The following SPRY3 variants were observed in gnomAD, a reference collection of about 807,000 sequenced individuals.
SPRY3 encodes the protein protein sprouty homolog 3.
SPRY3 carries 15 observed loss-of-function variants against 20.2 expected under a neutral mutation model. The ratio of observed to expected loss-of-function variants is 0.74; its 90% CI spans 0.50 to 1.14. The LOEUF is 1.14. SPRY3 is among the 50% of genes most tolerant of loss of function. The pLI is 0.00. For missense variants in SPRY3, 364 were observed against 363.9 expected, an observed-to-expected ratio of 1.00 and a Z score of 0.00; for synonymous variants, 143 against 136.5, an observed-to-expected ratio of 1.05 and a Z score of -0.33.
At chrX:155,728,127 CTGCAGAACAGCAAATAT>C (rs2091111125) in intron 2 of SPRY3, among the ~76,000 whole-genome samples, 1 of 152,160 alleles carries the variant, frequency 6.6e-6, no homozygotes, top group African/African-American at 2.4e-5. Context: ...CCAGTGGAGG[CTGCAGAACAGCAAATAT>C]TGCAGAACAG....
intron 1 of SPRY3, among the ~76,000 whole-genome samples, chrX:155,648,072 T>C (rs1448633665): frequency 8.9e-6 from 1 of 112,603 alleles, no homozygotes; most frequent in Non-Finnish European, 1.9e-5. Context: ...TGAGCTTTTT[T>C]TATATGTTTG....
Position 155,733,584 on chromosome X carries a change from A to G in SPRY3, c.-281-34378A>G, listed in dbSNP as rs138165362. Among the ~76,000 whole-genome samples the G allele has an allele frequency of 3.0e-3, 461 of 152,144 alleles. 2 individuals carry two copies. Among genetic ancestry groups the G allele is most frequent in the African/African-American group, 0.01 (423 of 41,526 alleles). ...TAAGGGCCCAAGGACTTTCAGAATG[A>G]TAAATGACCATTGGCTTCAACTTAA... On this transcript the variant is annotated intron_variant, in intron 2 of 3. Coordinates refer to ENST00000675360, the Ensembl canonical transcript of SPRY3.
intron 2 of SPRY3, among the ~76,000 whole-genome samples, chrX:155,731,950 A>T (rs767005961): frequency 6.6e-6 from 1 of 152,158 alleles, no homozygotes; most frequent in Admixed American, 6.6e-5. Context: ...GACTTTGGAA[A>T]CAAAACACAT....
chrX:155,751,945 A>AAAT (rs1216747128), intron 2 of SPRY3, among the ~76,000 whole-genome samples: 1 of 61,708 alleles, frequency 1.6e-5, no homozygotes, highest in African/African-American at 8.6e-5. Context: ...AAATAAAATA[A>AAAT]AATAAAATAA....
At chrX:155,744,066 G>A (rs2091215059) in intron 2 of SPRY3, among the ~76,000 whole-genome samples, 1 of 152,186 alleles carries the variant, frequency 6.6e-6, no homozygotes, top group East Asian at 1.9e-4. Flanking sequence ...GGGTACAGAA[G>A]GGAGAAAGAA....
chrX:155,747,703 C>G (rs2091235021), intron 2 of SPRY3, among the ~76,000 whole-genome samples: 1 of 151,952 alleles, frequency 6.6e-6, no homozygotes, highest in South Asian at 2.1e-4. Context: ...GCCTGGAAGG[C>G]AGCCAGGTCC....
chrX:155,739,057 G>A (rs1043327035), intron 2 of SPRY3, among the ~76,000 whole-genome samples: 1 of 152,156 alleles, frequency 6.6e-6, no homozygotes, highest in African/African-American at 2.4e-5. Context: ...TTGAGTTCCT[G>A]GGGGGAGGGG....
intron 1 of SPRY3, among the ~76,000 whole-genome samples, chrX:155,628,286 TGTTCC>T (rs1557350126): frequency 2.7e-5 from 3 of 111,864 alleles, no homozygotes; most frequent in African/African-American, 3.3e-5. Flanking sequence ...AGTGTAAAAG[TGTTCC>T]TATTTCTCCA....
chrX:155,661,087 T>A (rs2068008445), intron 2 of SPRY3, among the ~76,000 whole-genome samples: 1 of 111,803 alleles, frequency 8.9e-6, no homozygotes, highest in South Asian at 3.7e-4. Context: ...TATATAGGTG[T>A]TTTTTAGTCT....
chrX:155,735,608 T>A (rs306905), intron 2 of SPRY3, among the ~76,000 whole-genome samples: 23,322 of 152,026 alleles, frequency 0.15, 3,318 homozygotes, highest in African/African-American at 0.39. Context: ...ATCTGCTTCA[T>A]GCGATATTGA....
intron 2 of SPRY3, among the ~76,000 whole-genome samples, chrX:155,734,238 A>T (rs1349858764): frequency 6.6e-6 from 1 of 151,958 alleles, no homozygotes; most frequent in Admixed American, 6.6e-5. Flanking sequence ...TTTTCCTTTC[A>T]TTTGAACATG....
intron 2 of SPRY3, among the ~76,000 whole-genome samples, chrX:155,706,770 A>G (rs1006414245): frequency 6.6e-6 from 1 of 150,968 alleles, no homozygotes; most frequent in African/African-American, 2.4e-5. Context: ...GGGAGGCGCG[A>G]ACTACAAAAA....
chrX:155,730,913 A>G (rs184554733), intron 2 of SPRY3, among the ~76,000 whole-genome samples: 26 of 152,238 alleles, frequency 1.7e-4, no homozygotes, highest in Non-Finnish European at 7.4e-5. Flanking sequence ...CCCATTTACA[A>G]TAGCTACAAG....
At position 155,726,180 on chromosome X, in the gene SPRY3, G is replaced by A. The variant is rs572039280; in HGVS notation, c.-281-41782G>A. On this transcript the variant is annotated intron_variant, in intron 2 of 3. Transcript: ENST00000675360. ...TTAATTTGATTGCACTGTGGTCTGA[G>A]AAACAGTTTATTGTGATTTCTGTTC... is the stretch of plus-strand genomic sequence containing the variant. Among the ~76,000 whole-genome samples, 258 of 152,256 alleles carry A rather than the reference G, an allele frequency of 1.7e-3. No individual in the cohort carries two copies. The South Asian group carries it at 0.052, about 30-fold the overall frequency.
At chrX:155,775,470 C>T (rs1011253211) in exon 4 of SPRY3, 1 of 167,154 alleles carries the variant, frequency 6.0e-6, no homozygotes, top group African/African-American at 2.4e-5. Flanking sequence ...AGATGCCAAA[C>T]TTTGCTATGC....
At chrX:155,713,324 C>T (rs1348533867) in intron 2 of SPRY3, among the ~76,000 whole-genome samples, 1 of 152,046 alleles carries the variant, frequency 6.6e-6, no homozygotes, top group African/African-American at 2.4e-5. Context: ...AATAATTTCT[C>T]ATTAATGCCC....
intron 2 of SPRY3, among the ~76,000 whole-genome samples, chrX:155,717,909 C>T (rs1267841178): frequency 6.6e-6 from 1 of 152,062 alleles, no homozygotes; most frequent in Non-Finnish European, 1.5e-5. Context: ...TATTGGCAAA[C>T]TGCTGAGTGT....
At chrX:155,686,955 G>C (rs779879239) in intron 2 of SPRY3, among the ~76,000 whole-genome samples, 2 of 112,798 alleles carry the variant, frequency 1.8e-5, no homozygotes, top group African/African-American at 3.2e-5. Flanking sequence ...CCTGCTCCTT[G>C]AGCCAGGCTT....
chrX:155,778,405 T>G (rs2091442457), downstream of SPRY3: 1 of 167,092 alleles, frequency 6.0e-6, no homozygotes, highest in Admixed American at 6.5e-5. Context: ...TTTGAAAACA[T>G]GCTTGCAGCC....
Sources: gnomAD v4.1 joint callset for allele counts (sites outside exome capture counted in the v4.1 genomes callset) on GRCh38, gnomAD v4.1.1 for gene constraint, MANE v1.5 for transcripts, NCBI Gene and HGNC (gene_info 2026-07-23, HGNC 2026-07-21) for gene names.